AKAP6: variants seen among roughly 807,000 people sequenced by gnomAD.
The protein encoded by AKAP6 is A-kinase anchoring protein 6.
AKAP6 carries 58 observed loss-of-function variants against 188.5 expected under a neutral mutation model. The ratio of observed to expected loss-of-function variants is 0.31; its 90% CI spans 0.25 to 0.38. AKAP6 has a LOEUF of 0.38. Ranked by LOEUF, AKAP6 falls within the 10% of genes least tolerant of loss-of-function variation. The probability of loss-of-function intolerance (pLI) is 1.00; values close to 1 mark genes in which losing one functional copy is unlikely to be tolerated. For synonymous variants in AKAP6, 989 were observed against 998.6 expected (o/e 0.99, Z 0.18); for missense variants, 2,710 against 2,740.0 (o/e 0.99, Z 0.24).
At chr14:32,798,458 A>G (rs1230215972) in intron 12 of AKAP6, among the ~76,000 whole-genome samples, 5 of 152,212 alleles carry the variant, frequency 3.3e-5, no homozygotes, top group African/African-American at 4.8e-5. Context: ...AATAGCAAAG[A>G]CATGGAATCA....
chr14:32,785,122 A>G (rs944863360), intron 12 of AKAP6, among the ~76,000 whole-genome samples: 7 of 152,246 alleles, frequency 4.6e-5, no homozygotes, highest in Non-Finnish European at 8.8e-5. Flanking sequence ...TTGGAAATAA[A>G]TCCAGTGCTT....
intron 7 of AKAP6, among the ~76,000 whole-genome samples, chr14:32,654,580 C>T (rs1183939643): frequency 1.3e-5 from 2 of 151,762 alleles, no homozygotes; most frequent in Admixed American, 6.6e-5. Context: ...AGCCAGCTGG[C>T]TCAGGCCTGC....
intron 1 of AKAP6, among the ~76,000 whole-genome samples, chr14:32,428,523 A>G (rs10135266): frequency 0.057 from 8,609 of 152,138 alleles, 744 homozygotes; most frequent in African/African-American, 0.19. Flanking sequence ...GGAGGAGCCA[A>G]ATGATTAATC....
chr14:32,364,616 A>G lies in AKAP6; in HGVS notation c.-35+35208A>G, dbSNP rs1594543562. Among the ~76,000 whole-genome samples, 6 of 151,642 alleles carry G rather than the reference A, an allele frequency of 4.0e-5. No individual in the cohort carries two copies. The South Asian group carries it at 1.3e-3, about 32-fold the overall frequency. Reference sequence around the variant, plus strand: ...TATTTAGACCATATCCTCCCTCTCCACTCCAATACTACCCATTTCCTATCT... The same window carrying G: ...TATTTAGACCATATCCTCCCTCTCCGCTCCAATACTACCCATTTCCTATCT... On this transcript the variant is annotated intron_variant, in intron 1 of 13. Transcript: ENST00000280979.
intron 2 of AKAP6, among the ~76,000 whole-genome samples, chr14:32,457,177 G>A (rs571772661): frequency 3.5e-4 from 53 of 152,272 alleles, no homozygotes; most frequent in Non-Finnish European, 6.2e-4. Context: ...CACAATAGAC[G>A]TTTCTTGGTG....
chr14:32,460,869 C>T (rs893419695), intron 2 of AKAP6, among the ~76,000 whole-genome samples: 8 of 152,114 alleles, frequency 5.3e-5, no homozygotes, highest in African/African-American at 1.9e-4. Flanking sequence ...TCTGGGACTA[C>T]CAAGCTTAGT....
intron 1 of AKAP6, among the ~76,000 whole-genome samples, chr14:32,386,102 T>G (rs1888530126): frequency 6.6e-6 from 1 of 151,754 alleles, no homozygotes; most frequent in African/African-American, 2.4e-5. Context: ...AAAGACTTCT[T>G]TTCCTCTGGG....
intron 4 of AKAP6, among the ~76,000 whole-genome samples, chr14:32,558,005 G>T (rs998878114): frequency 6.6e-6 from 1 of 152,030 alleles, no homozygotes; most frequent in Non-Finnish European, 1.5e-5. Context: ...GATCTTTTCA[G>T]TGCATTTCTG....
intron 1 of AKAP6, among the ~76,000 whole-genome samples, chr14:32,395,360 A>G (rs1023873584): frequency 5.3e-5 from 8 of 152,280 alleles, no homozygotes; most frequent in African/African-American, 1.9e-4. Flanking sequence ...CATAACAGGT[A>G]GATACAGCCC....
chr14:32,600,877 A>T, intron 7 of AKAP6, 85 bp downstream of exon 7: 2 of 1,335,754 alleles, frequency 1.5e-6, no homozygotes, highest in Non-Finnish European at 2.0e-6. Flanking sequence ...TTCCAACCCT[A>T]AGGCTTTTTG....
chr14:32,674,385 C>T (rs540491278), intron 7 of AKAP6, among the ~76,000 whole-genome samples: 1 of 152,174 alleles, frequency 6.6e-6, no homozygotes, highest in South Asian at 2.1e-4. Flanking sequence ...AAGGGAGATA[C>T]GTGTTAGAAG....
chr14:32,722,160 C>T (rs1367637199), intron 9 of AKAP6, among the ~76,000 whole-genome samples: 1 of 152,184 alleles, frequency 6.6e-6, no homozygotes, highest in Non-Finnish European at 1.5e-5. Context: ...TAGCTGAATA[C>T]CTTTAGCTCA....
At position 32,546,152 on chromosome 14, in the gene AKAP6, A is replaced by G. The variant is rs1249068811; in HGVS notation, c.1499A>G (p.Lys500Arg). ...AAATCTCGACTTAAAAAGCCACACA[A>G]GACCTCAGAAGAGGTGCCTCCATGC... Reference protein sequence around the residue: ...KEKSRLKKPHKTSEEVPPCRT... With the variant: ...KEKSRLKKPHRTSEEVPPCRT... Residue 500 changes from lysine (K) to arginine (R), a missense_variant, in exon 4 of 14, where the codon AAG becomes AGG. Around this residue, in one of 2 missense-constraint regions of AKAP6, gnomAD observed 2,473 missense variants for 2,426.1 expected, o/e 1.02. Transcript: ENST00000280979. 3 of 1,613,862 alleles carry G rather than the reference A, an allele frequency of 1.9e-6. No homozygotes were observed. The South Asian group carries it at 3.3e-5, about 18-fold the overall frequency.
At chr14:32,812,953 T>C (rs949104782) in intron 12 of AKAP6, among the ~76,000 whole-genome samples, 5 of 152,208 alleles carry the variant, frequency 3.3e-5, no homozygotes, top group Non-Finnish European at 5.9e-5. Flanking sequence ...GTCTGCTCTC[T>C]GGACATGAGC....
chr14:32,757,210 C>T (rs1470562935), intron 11 of AKAP6, among the ~76,000 whole-genome samples: 1 of 152,216 alleles, frequency 6.6e-6, no homozygotes, highest in Non-Finnish European at 1.5e-5. Flanking sequence ...GCTGTAATCT[C>T]TCATCTGGTT....
intron 12 of AKAP6, among the ~76,000 whole-genome samples, chr14:32,776,377 TGTC>T (rs1203907141): frequency 1.3e-5 from 2 of 152,218 alleles, no homozygotes; most frequent in African/African-American, 4.8e-5. Flanking sequence ...TTCACTTGGT[TGTC>T]ATTCTCTCTT....
chr14:32,718,662 C>A lies in AKAP6; in HGVS notation c.3001-13792C>A, dbSNP rs146174980. On this transcript the variant is annotated intron_variant, in intron 9 of 13. Coordinates refer to ENST00000280979, the MANE Select transcript of AKAP6 (RefSeq NM_004274.5). ...GCCATGATAAACAATTAACTTTGTT[C>A]ATGGTTTCTGTCTGAAAATTGAGAA... Among the ~76,000 whole-genome samples the A allele has an allele frequency of 4.1e-3, 617 of 152,226 alleles. 7 individuals carry two copies. The highest frequency in any genetic ancestry group is 0.014 in the African/African-American group (577 of 41,546).
At chr14:32,581,728 G>C (rs1375589334) in intron 5 of AKAP6, among the ~76,000 whole-genome samples, 1 of 152,124 alleles carries the variant, frequency 6.6e-6, no homozygotes, top group Non-Finnish European at 1.5e-5. Flanking sequence ...TTGTTGAACT[G>C]GTCCCTTTAC....
At chr14:32,553,147 T>A (rs765391320) in intron 4 of AKAP6, among the ~76,000 whole-genome samples, 6 of 149,996 alleles carry the variant, frequency 4.0e-5, no homozygotes, top group Non-Finnish European at 8.9e-5. Context: ...TTTTTTTCTT[T>A]TTCTTTTCTT....
Sources: allele counts gnomAD v4.1 joint callset (sites outside exome capture counted in the v4.1 genomes callset), GRCh38; gene constraint gnomAD v4.1.1; regional missense constraint gnomAD v4.1.1; transcripts MANE v1.5; gene names NCBI Gene and HGNC (gene_info 2026-07-23, HGNC 2026-07-21).